The following PDXDC1 variants were observed in gnomAD, a reference collection of about 807,000 sequenced individuals.
PDXDC1 encodes the protein pyridoxal-dependent decarboxylase domain-containing protein 1.
Under a neutral mutation model 100.1 loss-of-function variants are expected in PDXDC1, and 42 were observed. The ratio of observed to expected loss-of-function variants is 0.42; its 90% CI spans 0.33 to 0.54. The LOEUF (loss-of-function observed/expected upper bound fraction) is 0.54, where lower values mean the gene tolerates loss of function less well. PDXDC1 is among the 20% of genes least tolerant of loss of function. The pLI is 0.10. For missense variants in PDXDC1, 636 were observed against 979.2 expected (o/e 0.65, Z 4.68); for synonymous variants, 260 against 371.7 (o/e 0.70, Z 3.46).
At chr16:15,070,306 A>G (rs766630558) in intron 16 of PDXDC1, 6 of 1,601,770 alleles carry the variant, frequency 3.7e-6, no homozygotes, top group South Asian at 1.1e-5. Context: ...AAAAACCAGA[A>G]TAACATAAAA....
Position 15,031,924 on chromosome 16 carries a change from C to T in PDXDC1, c.1571+18C>T, listed in dbSNP as rs1429322808. The T allele has an allele frequency of 8.9e-6, 14 of 1,575,296 alleles. No homozygotes were observed. The highest frequency in any genetic ancestry group is 6.9e-5 in the East Asian group (3 of 43,570). On this transcript the variant is annotated intron_variant, in intron 17 of 22. Coordinates refer to ENST00000396410, the MANE Select transcript of PDXDC1 (RefSeq NM_015027.4). ...GTTGTCAGGTAAAGTCTTGGCCTGC[C>T]GCTTGATGTTGGAGACTTTTCTGTA...
At chr16:15,008,077 TGA>T (rs2040937561) in intron 6 of PDXDC1, among the ~76,000 whole-genome samples, 1 of 152,290 alleles carries the variant, frequency 6.6e-6, no homozygotes, top group African/African-American at 2.4e-5. Context: ...GTATTTTTTT[TGA>T]GGATTTGTTT....
Position 15,033,326 on chromosome 16 carries a change from G to A in PDXDC1, c.1739G>A (p.Ser580Asn). The change falls in exon 19 of 23, where the codon AGC becomes AAC. Residue 580 changes from serine to asparagine, a missense_variant. Physicochemically the swap from Ser to Asn is conservative, Grantham distance 46. Coordinates refer to ENST00000396410, the MANE Select transcript of PDXDC1 (RefSeq NM_015027.4). The stretch of plus-strand genomic sequence containing the variant: ...AGCTGCCTTTATGTCGGCATGGCGA[G>A]CGACAACGTCGATGCTGCTGAGCTC... ...MKSCLYVGMA[S>N]DNVDAAELVE... is the part of the protein sequence containing the mutation. 1 of 1,614,176 alleles carries A rather than the reference G, an allele frequency of 6.2e-7. No homozygotes were observed. Among genetic ancestry groups the A allele is most frequent in the Non-Finnish European group, 8.5e-7 (1 of 1,179,996 alleles).
intron 16 of PDXDC1, chr16:15,084,641 C>T (rs981118950): frequency 1.0e-5 from 16 of 1,597,716 alleles, no homozygotes; most frequent in East Asian, 4.5e-5. Flanking sequence ...AGTATACTCA[C>T]GATGGTACAT....
intron 13 of PDXDC1, chr16:15,025,327 G>A (rs2042509910): frequency 6.6e-6 from 1 of 152,384 alleles, no homozygotes; most frequent in South Asian, 2.1e-4. Flanking sequence ...TCTCCTAGCT[G>A]AGGATGGGAG....
chr16:15,031,112 ATTTTTTTTTTTT>A (rs771115923), intron 16 of PDXDC1, among the ~76,000 whole-genome samples: 1 of 73,958 alleles, frequency 1.4e-5, no homozygotes, highest in South Asian at 5.9e-4. Flanking sequence ...CACCACATCT[ATTTTTTTTTTTT>A]TTTTTTTTTT....
At chr16:15,092,135 C>A (rs1263148502) in intron 16 of PDXDC1, among the ~76,000 whole-genome samples, 2 of 152,142 alleles carry the variant, frequency 1.3e-5, no homozygotes, top group East Asian at 3.8e-4. Context: ...GCCGAGGTCA[C>A]GCCACTGCAC....
intron 1 of PDXDC1, 56 bp downstream of exon 1, chr16:14,975,276 C>G: frequency 7.3e-7 from 1 of 1,378,792 alleles, no homozygotes; most frequent in East Asian, 3.0e-5. Flanking sequence ...CTCCCGCTTC[C>G]GAGGCAACTG....
chr16:15,036,246 C>A lies in PDXDC1; in HGVS notation c.2338C>A (p.Gln780Lys), dbSNP rs749893949. ...GVPHPEDDHS[Q>K]VEGPESLR ...CCCACACCCAGAAGATGACCACTCA[C>A]AGGTAGAAGGACCGGAGAGCTTAAG... The change falls in exon 23 of 23, where the codon CAG (glutamine) becomes AAG (lysine). Residue 780 changes from glutamine (Q) to lysine (K), a missense_variant. Physicochemically the swap from Gln to Lys is moderately conservative, Grantham distance 53. Transcript: ENST00000396410. The A allele has an allele frequency of 3.7e-6, 6 of 1,614,026 alleles. No homozygotes were observed. The Middle Eastern group carries it at 6.6e-4, about 178-fold the overall frequency.
chr16:15,000,882 G>T (rs1972994514), intron 3 of PDXDC1, among the ~76,000 whole-genome samples: 1 of 149,874 alleles, frequency 6.7e-6, no homozygotes. Flanking sequence ...CTATACTAAG[G>T]ATGATTATAT....
At chr16:15,062,993 A>G (rs1743551944) in intron 16 of PDXDC1, among the ~76,000 whole-genome samples, 1 of 152,160 alleles carries the variant, frequency 6.6e-6, no homozygotes, top group Non-Finnish European at 1.5e-5. Flanking sequence ...ACAGGTGTGC[A>G]CCACCACGCC....
At chr16:15,034,985 C>A (rs956291015) in intron 21 of PDXDC1, among the ~76,000 whole-genome samples, 1 of 152,186 alleles carries the variant, frequency 6.6e-6, no homozygotes, top group Admixed American at 6.5e-5. Context: ...AGCCAGCAAG[C>A]GTTTCAGCCG....
chr16:15,048,047 C>T (rs369316344), intron 16 of PDXDC1: 6 of 1,613,452 alleles, frequency 3.7e-6, no homozygotes, highest in Non-Finnish European at 5.1e-6. Flanking sequence ...ATACAGAAGG[C>T]CCTGGGGTCC....
intron 16 of PDXDC1, among the ~76,000 whole-genome samples, chr16:15,084,246 G>T (rs1382032714): frequency 6.6e-6 from 1 of 152,068 alleles, no homozygotes; most frequent in East Asian, 1.9e-4. Context: ...AACGGACAGA[G>T]GGAACTAGAG....
intron 5 of PDXDC1, among the ~76,000 whole-genome samples, chr16:15,004,865 G>A (rs1416887786): frequency 5.3e-5 from 8 of 152,276 alleles, no homozygotes; most frequent in African/African-American, 1.9e-4. Flanking sequence ...TGTAAATGCT[G>A]TGTAAATAGT....
chr16:15,072,798 A>G, intron 16 of PDXDC1: 2 of 771,536 alleles, frequency 2.6e-6, no homozygotes. Context: ...ACAAAAAAAG[A>G]AAGGAGAATG....
chr16:14,979,613 C>T (rs916108221), intron 1 of PDXDC1, among the ~76,000 whole-genome samples: 1 of 152,276 alleles, frequency 6.6e-6, no homozygotes, highest in African/African-American at 2.4e-5. Context: ...ATCTAATTCT[C>T]ATCTCTGAAA....
intron 16 of PDXDC1, among the ~76,000 whole-genome samples, chr16:15,048,648 G>T (rs1323279127): frequency 6.6e-6 from 1 of 152,110 alleles, no homozygotes; most frequent in East Asian, 1.9e-4. Context: ...TTTTGAGACA[G>T]TCTCTCACTC....
chr16:15,124,708 T>G (rs1334472043), intron 16 of PDXDC1, among the ~76,000 whole-genome samples: 3 of 146,962 alleles, frequency 2.0e-5, no homozygotes, highest in East Asian at 2.1e-4. Flanking sequence ...GGAGGCAGAG[T>G]CTGCAGTGAG....
Sources: allele counts gnomAD v4.1 joint callset (sites outside exome capture counted in the v4.1 genomes callset), GRCh38; gene constraint gnomAD v4.1.1; transcripts MANE v1.5; gene names NCBI Gene and HGNC (gene_info 2026-07-23, HGNC 2026-07-21).